Variants in NR1I3 observed in about 807,000 individuals in gnomAD.
NR1I3 encodes nuclear receptor subfamily 1 group I member 3, also known as constitutive activator of retinoid response.
Under a neutral mutation model 38.4 loss-of-function variants are expected in NR1I3, and 30 were observed. The ratio of observed to expected loss-of-function variants is 0.78; its 90% confidence interval spans 0.58 to 1.06. The LOEUF (loss-of-function observed/expected upper bound fraction) is 1.06. Ranked by LOEUF, NR1I3 falls within the 50% of genes least tolerant of loss-of-function variation. The pLI, the probability that NR1I3 is intolerant of heterozygous loss-of-function variation, is 0.00. For synonymous variants in NR1I3, 143 were observed against 165.1 expected, an observed-to-expected ratio of 0.87 and a Z score of 1.03; for missense variants, 388 against 435.7, an observed-to-expected ratio of 0.89 and a Z score of 0.97.
At chr1:161,230,102 GC>G in intron 8 of NR1I3, 176 bp from the exon 9 acceptor site, 1 of 693,892 alleles carries the variant, frequency 1.4e-6, no homozygotes. Flanking sequence ...CCTCCAGGGG[GC>G]CTCGGTCTGA....
rs1668533210 is a variant in NR1I3 at position 161,235,956 on chromosome 1, A to G, written c.129T>C (p.Ile43=). The G allele has an allele frequency of 6.2e-7, 1 of 1,604,076 alleles. No homozygotes were observed. The highest frequency in any genetic ancestry group is 1.7e-5 in the Admixed American group (1 of 58,220). ...GFFRRTVSKS[I]GPTCPFAGSC... ...TTCCAGCAAAGGGGCAGGTGGGACCAATGCTTTTGCTGACTGTTCTCCTGT... is the reference window on the plus strand; with the variant it reads ...TTCCAGCAAAGGGGCAGGTGGGACCGATGCTTTTGCTGACTGTTCTCCTGT... The change falls in exon 3 of 9, where the codon ATT becomes ATC. Residue 43 remains isoleucine, a synonymous_variant. Coordinates refer to ENST00000367983, the MANE Select transcript of NR1I3 (RefSeq NM_005122.5).
chr1:161,234,375 T>C (rs933471584), intron 3 of NR1I3, among the ~76,000 whole-genome samples: 10 of 152,240 alleles, frequency 6.6e-5, no homozygotes, highest in African/African-American at 2.2e-4. Flanking sequence ...ATAAGTAATA[T>C]AGATTGAATT....
rs1421987136 is a variant in NR1I3 at position 161,230,866 on chromosome 1, C to T, written c.864G>A (p.Met288Ile). Residue 288 changes from methionine to isoleucine, a missense_variant, in exon 8 of 9, where the codon ATG becomes ATA. Transcript: ENST00000367983. ...TGATGTAGCTTTGCAGAGTCAGTGC[C>T]ATCTCCTCTTGCAGCTGATCAATCT... ...RDEIDQLQEE[M>I]ALTLQSYIKG... 6.2e-7 allele frequency: 1 copy of T among 1,614,180 alleles called. No homozygotes were observed. Among genetic ancestry groups the T allele is most frequent in the Non-Finnish European group, 8.5e-7 (1 of 1,180,034 alleles).
rs774131812 is a variant in NR1I3, at chr1:161,235,928, A to C, written c.157T>G (p.Cys53Gly). The C allele has an allele frequency of 6.2e-7, 1 of 1,612,612 alleles. No homozygotes were observed. The highest frequency in any genetic ancestry group is 8.5e-7 in the Non-Finnish European group (1 of 1,179,294). Residue 53 changes from cysteine (C) to glycine (G), a missense_variant, in exon 3 of 9, where the codon TGT becomes GGT. Transcript: ENST00000367983. ...CGCCTCTGAGTCTTGCTGACTTCACAGCTTCCAGCAAAGGGGCAGGTGGGA... is the reference window on the plus strand; with the variant it reads ...CGCCTCTGAGTCTTGCTGACTTCACCGCTTCCAGCAAAGGGGCAGGTGGGA... Reference protein sequence around the residue: ...IGPTCPFAGSCEVSKTQRRHC... With the variant: ...IGPTCPFAGSGEVSKTQRRHC...
intron 4 of NR1I3, 43 bp downstream of exon 4, chr1:161,233,126 G>T (rs771555625): frequency 6.2e-7 from 1 of 1,601,460 alleles, no homozygotes; most frequent in East Asian, 2.2e-5. Context: ...ATTTTTGGGT[G>T]CCCTTTTAGT....
At position 161,233,350 on chromosome 1, in the gene NR1I3, A is replaced by G; in HGVS notation, c.239-12T>C. 6.2e-7 allele frequency: 1 copy of G among 1,611,488 alleles called. No homozygotes were observed. The highest frequency in any genetic ancestry group is 8.5e-7 in the Non-Finnish European group (1 of 1,179,510). ...TGCCGACAGTATCACTGTGCCAGGC[A>G]AGAGATCATGACAAAGCTGTTGAGA... On this transcript the variant is annotated splice_polypyrimidine_tract_variant and intron_variant, in intron 3 of 8. Coordinates refer to ENST00000367983, the MANE Select transcript of NR1I3 (RefSeq NM_005122.5).
chr1:161,234,058 C>T (rs890907327), intron 3 of NR1I3, among the ~76,000 whole-genome samples: 14 of 151,840 alleles, frequency 9.2e-5, no homozygotes, highest in African/African-American at 3.1e-4. Flanking sequence ...ATGGAGCAAT[C>T]TCGGCTCACT....
rs1348419750 is a variant in NR1I3 at position 161,232,884 on chromosome 1, C to CA, written c.470dup (p.Val158GlyfsTer20). Reference sequence around the variant, plus strand: ...TGTTGATGTCTGCGAAGTGTGTGACCAGAGGCAGCACAGGGGCCAGGGTGG... The same window carrying CA: ...TGTTGATGTCTGCGAAGTGTGTGACCAAGAGGCAGCACAGGGGCCAGGGTGG... On this transcript the variant is annotated frameshift_variant, in exon 5 of 9. Transcript: ENST00000367983. LOFTEE classifies it high-confidence loss of function. The CA allele has an allele frequency of 6.2e-7, 1 of 1,614,068 alleles. No individual in the cohort carries two copies. The highest frequency in any genetic ancestry group is 1.3e-5 in the African/African-American group (1 of 74,918).
At chr1:161,235,282 T>TTTTTG (rs1668376953) in intron 3 of NR1I3, 2 of 121,126 alleles carry the variant, frequency 1.7e-5, no homozygotes, top group African/African-American at 5.8e-5. Context: ...TTTTTTTTTT[T>TTTTTG]GAGTCGGAAT....
chr1:161,235,729 A>G (rs1047498023), intron 3 of NR1I3, 118 bp downstream of exon 3: 1 of 1,322,786 alleles, frequency 7.6e-7, no homozygotes, highest in African/African-American at 1.5e-5. Context: ...GAATAGTGAC[A>G]TAATCCAACT....
chr1:161,229,821 CG>C lies in NR1I3; in HGVS notation c.1022del (p.Pro341ArgfsTer47). The C allele has an allele frequency of 6.2e-7, 1 of 1,614,176 alleles. No homozygotes were observed. Among genetic ancestry groups the C allele is most frequent in the South Asian group, 1.1e-5 (1 of 91,090 alleles). ...QHIQGLSAMM[P>X]LLQEICS ...CTCAGCTGCAGATCTCCTGGAGCAG[CG>C]GCATCATGGCAGACAGGCCCTGGAT... On this transcript the variant is annotated frameshift_variant, in exon 9 of 9. Transcript: ENST00000367983. LOFTEE classifies it high-confidence loss of function.
Position 161,232,765 on chromosome 1 carries a change from C to A in NR1I3, c.548+42G>T, listed in dbSNP as rs747227386. On this transcript the variant is annotated intron_variant, in intron 5 of 8. Transcript: ENST00000367983. ...CTTTTCGGGGTGGATATACAATTTA[C>A]TGAAGTGTTTGCCTCCTGAAAGATG... The A allele has an allele frequency of 6.2e-6, 10 of 1,604,298 alleles. No homozygotes were observed. The Admixed American group carries it at 1.0e-4, about 16-fold the overall frequency.
chr1:161,230,644 G>T, intron 8 of NR1I3, 169 bp downstream of exon 8: 2 of 839,062 alleles, frequency 2.4e-6, no homozygotes, highest in Non-Finnish European at 3.6e-6. Flanking sequence ...ACAGCAATTT[G>T]GATGCTGAAA....
intron 1 of NR1I3, 133 bp downstream of exon 1, chr1:161,237,908 T>C: frequency 1.2e-6 from 1 of 851,690 alleles, no homozygotes; most frequent in Non-Finnish European, 2.0e-6. Context: ...GGTCTTGAAC[T>C]CCTGGGCTCA....
At chr1:161,237,990 A>G in intron 1 of NR1I3, 51 bp downstream of exon 1, 1 of 1,544,124 alleles carries the variant, frequency 6.5e-7, no homozygotes. Flanking sequence ...AGCCCCCAGC[A>G]TTATCTGTAT....
rs1667236791 is a variant in NR1I3, at chr1:161,231,380, G to C, written c.643C>G (p.Gln215Glu). Residue 215 changes from glutamine to glutamate, a missense_variant, in exon 6 of 9, where the codon CAA becomes GAA. Gln to Glu is a conservative substitution (Grantham distance 29, BLOSUM62 2). Coordinates refer to ENST00000367983, the MANE Select transcript of NR1I3 (RefSeq NM_005122.5). ...CGAAGAGGCCCGCAGAGGAAGTTTT[G>C]TGTTTGGAGACAGAAAGTGGTATTG... is the stretch of plus-strand genomic sequence containing the variant. ...VLNTTFCLQTQNFLCGPLRYT... is the reference protein window; with the variant it reads ...VLNTTFCLQTENFLCGPLRYT... 6.4e-7 allele frequency: 1 copy of C among 1,563,020 alleles called. No homozygotes were observed. The highest frequency in any genetic ancestry group is 1.2e-5 in the South Asian group (1 of 83,794).
Position 161,235,827 on chromosome 1 carries a change from G to A in NR1I3, c.238+20C>T, listed in dbSNP as rs751439771. 1.9e-6 allele frequency: 3 copies of A among 1,613,842 alleles called. 1 individual carries two copies. Among genetic ancestry groups the A allele is most frequent in the South Asian group, 2.2e-5 (2 of 91,034 alleles). On this transcript the variant is annotated intron_variant, in intron 3 of 8. Transcript: ENST00000367983. Reference sequence around the variant, plus strand: ...ACAGACGCAGTCAATGGATTCTTGAGATGTAGGGGGCCAACTCACTGTCTT... The same window carrying A: ...ACAGACGCAGTCAATGGATTCTTGAAATGTAGGGGGCCAACTCACTGTCTT...
chr1:161,233,887 GTA>G (rs375219840), intron 3 of NR1I3, among the ~76,000 whole-genome samples: 8,388 of 100,358 alleles, frequency 0.084, 342 homozygotes, highest in South Asian at 0.15. Flanking sequence ...GTGTGTGTGT[GTA>G]TATGTGTGTG....
intron 3 of NR1I3, among the ~76,000 whole-genome samples, chr1:161,233,837 ATGTGTG>A (rs761756944): frequency 0.072 from 8,499 of 118,378 alleles, 333 homozygotes; most frequent in African/African-American, 0.14. Context: ...TCATATATAT[ATGTGTG>A]TGTGTGTGTG....
Sources: gnomAD v4.1 joint callset for allele counts (sites outside exome capture counted in the v4.1 genomes callset) on GRCh38, gnomAD v4.1.1 for gene constraint, MANE v1.5 for transcripts, NCBI Gene and HGNC (gene_info 2026-07-23, HGNC 2026-07-21) for gene names.